SOX5: variants seen among roughly 807,000 people sequenced by gnomAD.
SOX5 encodes SRY-box transcription factor 5.
In SOX5, 9 loss-of-function variants were observed where a neutral mutation model predicts 92.0. The observed-to-expected ratio is 0.10, with a 90% CI of 0.06 to 0.17. The LOEUF (loss-of-function observed/expected upper bound fraction) is 0.17, where lower values mean the gene tolerates loss of function less well. Among genes scored for constraint, SOX5 ranks in the 10% least tolerant of loss-of-function variants. The pLI is 1.00. For missense variants in SOX5, 642 were observed against 944.5 expected (o/e 0.68, Z 4.20); for synonymous variants, 344 against 336.3 (o/e 1.02, Z -0.25).
intron 9 of SOX5, among the ~76,000 whole-genome samples, chr12:23,600,708 AT>A (rs1330612651): frequency 1.3e-5 from 2 of 151,934 alleles, no homozygotes; most frequent in East Asian, 3.9e-4. Flanking sequence ...TTGAATGCAG[AT>A]TTTGAACAGA....
intron 10 of SOX5, among the ~76,000 whole-genome samples, chr12:23,563,631 C>A (rs374157602): frequency 6.6e-6 from 1 of 151,962 alleles, no homozygotes; most frequent in East Asian, 1.9e-4. Flanking sequence ...AAATATAATA[C>A]CTAAGTGACA....
chr12:23,639,861 C>T (rs2079808593), intron 8 of SOX5, among the ~76,000 whole-genome samples: 1 of 152,124 alleles, frequency 6.6e-6, no homozygotes, highest in Non-Finnish European at 1.5e-5. Flanking sequence ...CTATATTTTC[C>T]TTATAGACTA....
Position 24,194,095 on chromosome 12 carries a change from CA to C in SOX5, c.-2+19247del, listed in dbSNP as rs556124238. Among the ~76,000 whole-genome samples the C allele has an allele frequency of 2.0e-3, 299 of 152,238 alleles. 2 individuals are homozygous for C. In the Middle Eastern group the frequency reaches 0.031, roughly 16 times the overall value. ...TCCATCTAACCAGATAAGGATAAAACAGTTCTAATTGACAATAAAAGGAACT... is the reference window on the plus strand; with the variant it reads ...TCCATCTAACCAGATAAGGATAAAACGTTCTAATTGACAATAAAAGGAACT... On this transcript the variant is annotated intron_variant, in intron 4 of 4. Transcript: ENST00000446891.
chr12:23,559,099 G>A (rs1173188394), intron 11 of SOX5, among the ~76,000 whole-genome samples: 1 of 152,128 alleles, frequency 6.6e-6, no homozygotes, highest in African/African-American at 2.4e-5. Context: ...AGACTGTCTG[G>A]TGGGATCAGG....
intron 1 of SOX5, among the ~76,000 whole-genome samples, chr12:23,932,034 T>G (rs1383693729): frequency 6.6e-6 from 1 of 151,434 alleles, no homozygotes; most frequent in Non-Finnish European, 1.5e-5. Context: ...TGAGAACAGA[T>G]TAGATTTCTT....
intron 2 of SOX5, among the ~76,000 whole-genome samples, chr12:24,354,112 G>GA (rs1490473438): frequency 3.3e-5 from 5 of 152,276 alleles, no homozygotes; most frequent in African/African-American, 9.6e-5. Context: ...TATAGACTGT[G>GA]AAAAAATGCT....
At chr12:24,184,481 A>C (rs1200721295) in intron 4 of SOX5, among the ~76,000 whole-genome samples, 1 of 152,200 alleles carries the variant, frequency 6.6e-6, no homozygotes, top group Non-Finnish European at 1.5e-5. Context: ...TTCAGATAAG[A>C]TTTTGACAGA....
chr12:23,676,547 T>G (rs780350655), intron 6 of SOX5, among the ~76,000 whole-genome samples: 16 of 145,512 alleles, frequency 1.1e-4, no homozygotes, highest in Non-Finnish European at 1.8e-4. Context: ...TCTAGGGCTG[T>G]TGCAACGAAT....
At chr12:24,057,314 T>G (rs941862694) in intron 4 of SOX5, among the ~76,000 whole-genome samples, 9 of 152,174 alleles carry the variant, frequency 5.9e-5, no homozygotes, top group African/African-American at 2.2e-4. Context: ...AAAATAATTT[T>G]AAGGGTAATT....
intron 3 of SOX5, among the ~76,000 whole-genome samples, chr12:24,269,619 AT>A (rs139231073): frequency 0.019 from 2,907 of 151,212 alleles, 74 homozygotes; most frequent in African/African-American, 0.061. Context: ...TTCTCAAAAC[AT>A]TTTTATTCCA....
At chr12:24,067,860 G>C (rs949875056) in intron 4 of SOX5, among the ~76,000 whole-genome samples, 1 of 152,108 alleles carries the variant, frequency 6.6e-6, no homozygotes, top group African/African-American at 2.4e-5. Context: ...AAACTTCAAG[G>C]GAGGCCAGGT....
At chr12:23,893,168 C>T (rs2097145333) in intron 2 of SOX5, among the ~76,000 whole-genome samples, 1 of 152,112 alleles carries the variant, frequency 6.6e-6, no homozygotes, top group Non-Finnish European at 1.5e-5. Flanking sequence ...ATGGTTTTGG[C>T]CAGGTGTGGT....
At chr12:23,685,937 T>A (rs1015652094) in intron 6 of SOX5, among the ~76,000 whole-genome samples, 2 of 152,174 alleles carry the variant, frequency 1.3e-5, no homozygotes, top group African/African-American at 4.8e-5. Flanking sequence ...CACGAGCCTA[T>A]TCCAACTTAG....
intron 3 of SOX5, among the ~76,000 whole-genome samples, chr12:23,830,354 AAG>A (rs2096295749): frequency 6.6e-6 from 1 of 152,146 alleles, no homozygotes; most frequent in Non-Finnish European, 1.5e-5. Flanking sequence ...GCTCAACAAG[AAG>A]AGAGACATTT....
intron 7 of SOX5, among the ~76,000 whole-genome samples, chr12:23,651,649 G>A (rs1282129489): frequency 2.6e-5 from 4 of 152,028 alleles, no homozygotes; most frequent in Non-Finnish European, 5.9e-5. Flanking sequence ...CAGAGAAAAG[G>A]ATTTATACAA....
chr12:23,947,407 A>G (rs956084008), intron 1 of SOX5, among the ~76,000 whole-genome samples: 19 of 151,918 alleles, frequency 1.3e-4, no homozygotes, highest in Non-Finnish European at 2.4e-4. Context: ...CCTCCTTTGA[A>G]GAATATAAAT....
At chr12:24,490,458 A>G (rs1026354699) in intron 1 of SOX5, among the ~76,000 whole-genome samples, 2 of 152,148 alleles carry the variant, frequency 1.3e-5, no homozygotes, top group African/African-American at 4.8e-5. Flanking sequence ...ACTCTTTTTT[A>G]CAAAGCATTT....
At chr12:24,265,962 A>G (rs1317593635) in intron 3 of SOX5, among the ~76,000 whole-genome samples, 1 of 151,776 alleles carries the variant, frequency 6.6e-6, no homozygotes, top group African/African-American at 2.4e-5. Flanking sequence ...GTGCAGTGGC[A>G]TGATCATGGC....
At chr12:24,399,108 C>T (rs1408543319) in intron 1 of SOX5, among the ~76,000 whole-genome samples, 2 of 152,084 alleles carry the variant, frequency 1.3e-5, no homozygotes, top group Admixed American at 1.3e-4. Context: ...AAACATGACA[C>T]TAAAGGAAGG....
Sources: gnomAD v4.1 joint callset for allele counts (sites outside exome capture counted in the v4.1 genomes callset) on GRCh38, gnomAD v4.1.1 for gene constraint, MANE v1.5 for transcripts, NCBI Gene and HGNC (gene_info 2026-07-23, HGNC 2026-07-21) for gene names.